Variants in MAGI2 observed in about 807,000 individuals in gnomAD.
MAGI2 encodes the protein membrane associated guanylate kinase, WW and PDZ domain containing 2.
A neutral mutation model predicts 133.3 loss-of-function variants in MAGI2; 35 were observed. The observed-to-expected ratio is 0.26, with a 90% CI of 0.20 to 0.35. The LOEUF (loss-of-function observed/expected upper bound fraction) is 0.35. Among genes scored for constraint, MAGI2 ranks in the 10% least tolerant of loss-of-function variants. MAGI2 has a pLI of 1.00. For synonymous variants in MAGI2, 729 were observed against 710.6 expected, an observed-to-expected ratio of 1.03 and a Z score of -0.41; for missense variants, 1,636 against 1,863.4, an observed-to-expected ratio of 0.88 and a Z score of 2.25.
chr7:78,821,218 C>G (rs891234744), intron 2 of MAGI2, among the ~76,000 whole-genome samples: 1 of 151,982 alleles, frequency 6.6e-6, no homozygotes, highest in Non-Finnish European at 1.5e-5. Flanking sequence ...AGATATGTTA[C>G]GAAGAGTATC....
chr7:78,591,203 A>G (rs2150843436), intron 3 of MAGI2, among the ~76,000 whole-genome samples: 1 of 152,348 alleles, frequency 6.6e-6, no homozygotes, highest in Middle Eastern at 3.4e-3. Flanking sequence ...TTACATGATT[A>G]TCAAGAGAGA....
At chr7:78,572,264 G>A (rs1215980498) in intron 3 of MAGI2, among the ~76,000 whole-genome samples, 3 of 152,072 alleles carry the variant, frequency 2.0e-5, no homozygotes, top group Admixed American at 6.5e-5. Flanking sequence ...GATTATCGAG[G>A]AAATCAGGGT....
intron 1 of MAGI2, among the ~76,000 whole-genome samples, chr7:79,282,349 T>A (rs2129558072): frequency 6.6e-6 from 1 of 152,260 alleles, no homozygotes; most frequent in African/African-American, 2.4e-5. Context: ...CGGTTTTTAC[T>A]TGCGGGCTGT....
At chr7:79,195,478 G>C (rs1178563397) in intron 1 of MAGI2, among the ~76,000 whole-genome samples, 1 of 152,002 alleles carries the variant, frequency 6.6e-6, no homozygotes, top group Non-Finnish European at 1.5e-5. Flanking sequence ...GTGCTAAAAA[G>C]GAAAATGCAT....
intron 2 of MAGI2, among the ~76,000 whole-genome samples, chr7:78,802,817 T>C (rs1330490): frequency 0.042 from 6,451 of 151,952 alleles, 401 homozygotes; most frequent in African/African-American, 0.14. Flanking sequence ...GGGATGTTGA[T>C]AGTGAGGAAG....
Position 78,160,031 on chromosome 7 carries a change from T to C in MAGI2, c.2839A>G (p.Thr947Ala), listed in dbSNP as rs780222573. The change falls in exon 16 of 22, where the codon ACT (threonine) becomes GCT (alanine). Residue 947 changes from threonine to alanine, a missense_variant. Thr to Ala is a moderately conservative substitution (Grantham distance 58). Coordinates refer to ENST00000354212, the MANE Select transcript of MAGI2 (RefSeq NM_012301.4). ...GGCAAATTTCAGCACTTACTTATAG[T>C]GGATCCAGACTCAGGCCTGTTCAGG... Reference protein sequence around the residue: ...SSLNRPESGSTITVPHKIGRI... With the variant: ...SSLNRPESGSAITVPHKIGRI... 6.4e-7 allele frequency: 1 copy of C among 1,562,874 alleles called. No homozygotes were observed. Among genetic ancestry groups the C allele is most frequent in the Non-Finnish European group, 8.7e-7 (1 of 1,151,722 alleles).
At chr7:78,573,072 TATATACACAC>T (rs1801718255) in intron 3 of MAGI2, among the ~76,000 whole-genome samples, 1 of 78,504 alleles carries the variant, frequency 1.3e-5, no homozygotes, top group Admixed American at 1.6e-4. Context: ...TATATATATA[TATATACACAC>T]ACACACACAC....
At chr7:78,267,553 T>G (rs1423430801) in intron 9 of MAGI2, among the ~76,000 whole-genome samples, 1 of 152,168 alleles carries the variant, frequency 6.6e-6, no homozygotes, top group African/African-American at 2.4e-5. Context: ...CACCAAGGAT[T>G]GCCAATTAAA....
chr7:78,048,059 T>G (rs1407668072), intron 21 of MAGI2, among the ~76,000 whole-genome samples: 1 of 152,222 alleles, frequency 6.6e-6, no homozygotes, highest in Non-Finnish European at 1.5e-5. Flanking sequence ...GGCTTATTAA[T>G]CTTTCCATTC....
At chr7:78,338,350 T>C (rs1243776101) in intron 9 of MAGI2, among the ~76,000 whole-genome samples, 1 of 152,230 alleles carries the variant, frequency 6.6e-6, no homozygotes, top group Non-Finnish European at 1.5e-5. Flanking sequence ...ACCTAGCAGA[T>C]ATCTGTTCGT....
chr7:78,607,877 T>C (rs1226641383), intron 3 of MAGI2, among the ~76,000 whole-genome samples: 1 of 152,188 alleles, frequency 6.6e-6, no homozygotes, highest in Non-Finnish European at 1.5e-5. Flanking sequence ...CCCACTCTTC[T>C]GGCTCAGCTT....
At chr7:78,780,322 C>T (rs1826296256) in intron 2 of MAGI2, among the ~76,000 whole-genome samples, 1 of 152,190 alleles carries the variant, frequency 6.6e-6, no homozygotes, top group Non-Finnish European at 1.5e-5. Context: ...ACCTCCAGCA[C>T]CCCACTCTAT....
At chr7:78,894,561 G>T (rs1029038008) in intron 2 of MAGI2, among the ~76,000 whole-genome samples, 1 of 151,920 alleles carries the variant, frequency 6.6e-6, no homozygotes, top group South Asian at 2.1e-4. Flanking sequence ...AATGATTAAT[G>T]GTAACACAAT....
chr7:78,885,596 A>AG (rs140002947), intron 2 of MAGI2, among the ~76,000 whole-genome samples: 9,300 of 151,580 alleles, frequency 0.061, 352 homozygotes, highest in Middle Eastern at 0.11. Flanking sequence ...GTCTGCTCAG[A>AG]GGGCAACTGA....
At chr7:78,310,569 A>C (rs1391488777) in intron 9 of MAGI2, among the ~76,000 whole-genome samples, 1 of 152,224 alleles carries the variant, frequency 6.6e-6, no homozygotes. Flanking sequence ...AATATAACAT[A>C]TTGAAATGAT....
rs960691238 is a variant in MAGI2, at chr7:79,145,386, T to C, written c.302-138180A>G. 2.6e-5 allele frequency among the ~76,000 whole-genome samples: 4 copies of C among 152,286 alleles called. No homozygotes were observed. In the East Asian group the frequency reaches 7.7e-4, roughly 29 times the overall value. ...ATGTTCGATAGAGCACAGGAGTCCC[T>C]AAAATAATAGTCTGTTGATTTGGTC... On this transcript the variant is annotated intron_variant, in intron 1 of 21. Coordinates refer to ENST00000354212, the MANE Select transcript of MAGI2 (RefSeq NM_012301.4).
At chr7:78,879,529 G>T (rs1795680825) in intron 2 of MAGI2, among the ~76,000 whole-genome samples, 1 of 151,764 alleles carries the variant, frequency 6.6e-6, no homozygotes. Flanking sequence ...AGGGAGGAGG[G>T]CAAGAGGAAA....
At chr7:78,543,218 G>T (rs1049928254) in intron 3 of MAGI2, among the ~76,000 whole-genome samples, 1 of 152,180 alleles carries the variant, frequency 6.6e-6, no homozygotes, top group African/African-American at 2.4e-5. Context: ...TGTGAATGTA[G>T]AGAGAAAAAG....
intron 7 of MAGI2, among the ~76,000 whole-genome samples, chr7:78,363,972 A>G (rs1214406122): frequency 6.6e-6 from 1 of 152,218 alleles, no homozygotes; most frequent in Non-Finnish European, 1.5e-5. Context: ...CGAAGTGCAC[A>G]ATAAGCGTTC....
Sources: allele counts gnomAD v4.1 joint callset (sites outside exome capture counted in the v4.1 genomes callset), GRCh38; gene constraint gnomAD v4.1.1; transcripts MANE v1.5; gene names NCBI Gene and HGNC (gene_info 2026-07-23, HGNC 2026-07-21).